The following CATSPERE variants were observed in gnomAD, a reference collection of about 807,000 sequenced individuals.
CATSPERE encodes the protein cation channel sperm-associated auxiliary subunit epsilon.
In CATSPERE, 93 loss-of-function variants were observed where a neutral mutation model predicts 114.1. That is an observed-to-expected ratio of 0.81 (90% CI 0.69 to 0.97). The LOEUF (loss-of-function observed/expected upper bound fraction) is 0.97, where lower values mean the gene tolerates loss of function less well. CATSPERE is among the 50% of genes least tolerant of loss of function. The pLI is 0.00. For missense variants in CATSPERE, 1,058 were observed against 1,131.6 expected (o/e 0.93, Z 0.93); for synonymous variants, 341 against 384.1 (o/e 0.89, Z 1.31).
At chr1:244,612,348 C>A (rs1435277795) in intron 19 of CATSPERE, among the ~76,000 whole-genome samples, 3 of 152,040 alleles carry the variant, frequency 2.0e-5, no homozygotes, top group Non-Finnish European at 2.9e-5. Context: ...CTTGGAGCTA[C>A]ACTAATTGCT....
intron 7 of CATSPERE, among the ~76,000 whole-genome samples, chr1:244,500,061 C>T (rs1489407525): frequency 6.6e-6 from 1 of 152,140 alleles, no homozygotes; most frequent in East Asian, 1.9e-4. Context: ...GATAGTATCT[C>T]ATTATGGATT....
At chr1:244,595,911 C>A (rs765386961) in intron 17 of CATSPERE, among the ~76,000 whole-genome samples, 4 of 151,716 alleles carry the variant, frequency 2.6e-5, no homozygotes, top group Non-Finnish European at 4.4e-5. Flanking sequence ...CTAGCCTGGG[C>A]GACAGAGCGA....
intron 7 of CATSPERE, among the ~76,000 whole-genome samples, chr1:244,503,315 G>T (rs1447697167): frequency 6.6e-6 from 1 of 152,086 alleles, no homozygotes; most frequent in Non-Finnish European, 1.5e-5. Context: ...TGAATCTGTG[G>T]ATTGGGGTTT....
intron 7 of CATSPERE, among the ~76,000 whole-genome samples, chr1:244,511,400 T>G (rs1433134036): frequency 6.6e-6 from 1 of 152,210 alleles, no homozygotes; most frequent in Non-Finnish European, 1.5e-5. Context: ...GATTGTGTTT[T>G]TTTTTAATCC....
intron 20 of CATSPERE, among the ~76,000 whole-genome samples, chr1:244,620,919 C>T (rs562993489): frequency 6.7e-6 from 1 of 148,232 alleles, no homozygotes; most frequent in Non-Finnish European, 1.5e-5. Context: ...GAGATTAGAT[C>T]AGAGAACCTA....
chr1:244,494,582 C>G (rs1432723433), intron 6 of CATSPERE, among the ~76,000 whole-genome samples: 1 of 149,894 alleles, frequency 6.7e-6, no homozygotes, highest in African/African-American at 2.5e-5. Flanking sequence ...TGCACATGTA[C>G]CCTAAAACTT....
chr1:244,461,209 G>T (rs1666686948), upstream of CATSPERE, among the ~76,000 whole-genome samples: 1 of 151,834 alleles, frequency 6.6e-6, no homozygotes, highest in Non-Finnish European at 1.5e-5. Flanking sequence ...TCGTGTGCAG[G>T]TTCGCACTCC....
In CATSPERE at chr1:244,493,516, A is replaced by T. The variant is rs533168776; in HGVS notation, c.351+3045A>T. ...AAAACCCTAGAAGAAAACCTAGGCAATACCATTCAGGACATAGGCATGGGC... is the reference window on the plus strand; with the variant it reads ...AAAACCCTAGAAGAAAACCTAGGCATTACCATTCAGGACATAGGCATGGGC... On this transcript the variant is annotated intron_variant, in intron 6 of 21. Coordinates refer to ENST00000366534, the MANE Select transcript of CATSPERE (RefSeq NM_001130957.2). 9.9e-5 allele frequency among the ~76,000 whole-genome samples: 15 copies of T among 152,268 alleles called. No homozygotes were observed. The South Asian group carries it at 1.7e-3, about 17-fold the overall frequency.
intron 11 of CATSPERE, among the ~76,000 whole-genome samples, chr1:244,581,394 C>G (rs1666152800): frequency 6.6e-6 from 1 of 152,046 alleles, no homozygotes; most frequent in African/African-American, 2.4e-5. Context: ...GTATATACCT[C>G]CTGAAAAGCA....
At chr1:244,505,179 A>C (rs993018208) in intron 7 of CATSPERE, among the ~76,000 whole-genome samples, 1 of 151,914 alleles carries the variant, frequency 6.6e-6, no homozygotes, top group South Asian at 2.1e-4. Flanking sequence ...TGTTGTTAAC[A>C]CTCTCTTTCT....
rs1211043280 is a variant in CATSPERE at position 244,508,364 on chromosome 1, G to A, written c.429+9285G>A. On this transcript the variant is annotated intron_variant, in intron 7 of 21. Coordinates refer to ENST00000366534, the MANE Select transcript of CATSPERE (RefSeq NM_001130957.2). ...CACCCAGGTTGGAGTGCAGTGGCGC[G>A]ATCTTGGCTCACTGCAAGCTCCGCC... Among the ~76,000 whole-genome samples the A allele has an allele frequency of 1.1e-4, 17 of 148,794 alleles. No homozygotes were observed. In the South Asian group the frequency reaches 1.3e-3, roughly 11 times the overall value.
intron 5 of CATSPERE, among the ~76,000 whole-genome samples, chr1:244,481,098 G>C (rs12078809): frequency 6.6e-6 from 1 of 152,054 alleles, no homozygotes; most frequent in Non-Finnish European, 1.5e-5. Flanking sequence ...AGGTTACGGT[G>C]AGCTATAATT....
chr1:244,556,994 T>G (rs544001221), intron 9 of CATSPERE, among the ~76,000 whole-genome samples: 1 of 152,318 alleles, frequency 6.6e-6, no homozygotes, highest in Admixed American at 6.5e-5. Flanking sequence ...CTATCTGGAT[T>G]GTGTTCTTTG....
intron 20 of CATSPERE, among the ~76,000 whole-genome samples, chr1:244,630,600 T>C (rs1463279109): frequency 1.3e-5 from 2 of 152,162 alleles, no homozygotes; most frequent in African/African-American, 4.8e-5. Context: ...ATAACTTAAA[T>C]TGAGTTATTC....
At chr1:244,557,435 C>T (rs533203865) in intron 9 of CATSPERE, among the ~76,000 whole-genome samples, 3 of 145,658 alleles carry the variant, frequency 2.1e-5, no homozygotes, top group Non-Finnish European at 4.5e-5. Context: ...TTCCAGTGTA[C>T]AGATTTTTTA....
chr1:244,518,016 A>G (rs1558412923), intron 7 of CATSPERE, among the ~76,000 whole-genome samples: 3 of 152,270 alleles, frequency 2.0e-5, no homozygotes, highest in Admixed American at 6.5e-5. Flanking sequence ...TCATCATCTG[A>G]TTTTTTAATT....
intron 10 of CATSPERE, among the ~76,000 whole-genome samples, chr1:244,566,478 T>C (rs1018626900): frequency 1.3e-4 from 20 of 152,024 alleles, no homozygotes; most frequent in African/African-American, 4.8e-4. Context: ...TGTAGGTCTC[T>C]AAGAACTTGC....
intron 9 of CATSPERE, among the ~76,000 whole-genome samples, chr1:244,553,624 C>CACACACACACATATATACAT (rs1553356183): frequency 7.5e-4 from 109 of 144,502 alleles, no homozygotes; most frequent in African/African-American, 2.8e-3. Flanking sequence ...CACACACACA[C>CACACACACACATATATACAT]ACACACACAC....
chr1:244,514,656 C>T (rs946253750), intron 7 of CATSPERE, among the ~76,000 whole-genome samples: 3 of 151,754 alleles, frequency 2.0e-5, no homozygotes, highest in African/African-American at 4.8e-5. Flanking sequence ...GGTGAAACCC[C>T]GTCTCTACTA....
Sources: gnomAD v4.1 joint callset for allele counts (sites outside exome capture counted in the v4.1 genomes callset) on GRCh38, gnomAD v4.1.1 for gene constraint, MANE v1.5 for transcripts, NCBI Gene and HGNC (gene_info 2026-07-23, HGNC 2026-07-21) for gene names.